Variants in NCALD observed in about 807,000 individuals in gnomAD.
NCALD encodes neurocalcin-delta.
Under a neutral mutation model 18.6 loss-of-function variants are expected in NCALD, and 10 were observed. That is an observed-to-expected ratio of 0.54 (90% CI 0.33 to 0.91). The LOEUF (loss-of-function observed/expected upper bound fraction) is 0.91. Among genes scored for constraint, NCALD ranks in the 40% least tolerant of loss-of-function variants. NCALD has a pLI of 0.03. For missense variants in NCALD, 184 were observed against 247.6 expected (o/e 0.74, Z 1.72); for synonymous variants, 88 against 87.4 (o/e 1.01, Z -0.04).
At chr8:101,805,969 T>C (rs1813085960) in intron 4 of NCALD, among the ~76,000 whole-genome samples, 1 of 152,154 alleles carries the variant, frequency 6.6e-6, no homozygotes, top group Non-Finnish European at 1.5e-5. Flanking sequence ...AAAAAATTAG[T>C]GGAGCCTAAC....
chr8:101,966,620 C>T (rs998479578), intron 2 of NCALD, among the ~76,000 whole-genome samples: 3 of 151,692 alleles, frequency 2.0e-5, no homozygotes, highest in Admixed American at 2.0e-4. Context: ...TACCCTAAAA[C>T]TTAAAGTATA....
At chr8:101,701,320 G>A (rs77995623) in intron 2 of NCALD, among the ~76,000 whole-genome samples, 5,051 of 152,252 alleles carry the variant, frequency 0.033, 103 homozygotes, top group Middle Eastern at 0.13. Flanking sequence ...GGATTAAACC[G>A]TGAAGAGACC....
In NCALD at chr8:101,689,321, G is replaced by C; in HGVS notation, c.570C>G (p.Ala190=). Residue 190 remains alanine, a synonymous_variant, in exon 4 of 4, where the codon GCC becomes GCG. Transcript: ENST00000220931. The surrounding 1 kb of genome is among the most constrained non-coding windows in gnomAD (Gnocchi z 4.4). The part of the protein sequence containing the change: ...VRLLQCDPSS[A]GQF The stretch of plus-strand genomic sequence containing the variant: ...GTGGGCGCAGGGCTCAGAACTGGCC[G>C]GCACTGCTCGGGTCGCACTGCAGGA... 6.2e-7 allele frequency: 1 copy of C among 1,613,764 alleles called. No homozygotes were observed. Among genetic ancestry groups the C allele is most frequent in the South Asian group, 1.1e-5 (1 of 90,940 alleles).
intron 4 of NCALD, among the ~76,000 whole-genome samples, chr8:101,848,526 GA>G (rs1814962293): frequency 6.6e-6 from 1 of 152,062 alleles, no homozygotes; most frequent in South Asian, 2.1e-4. Context: ...TAATTTTAGG[GA>G]AATTATATTT....
At chr8:102,035,510 TACTATGTAGCC>T in intron 1 of NCALD, among the ~76,000 whole-genome samples, 1 of 152,324 alleles carries the variant, frequency 6.6e-6, no homozygotes, top group East Asian at 1.9e-4. Flanking sequence ...AGCAACAGTG[TACTATGTAGCC>T]AGAGGTCTCC....
At chr8:101,764,618 A>C (rs1009991202) in intron 1 of NCALD, among the ~76,000 whole-genome samples, 4 of 152,198 alleles carry the variant, frequency 2.6e-5, no homozygotes, top group Non-Finnish European at 5.9e-5. Context: ...AGTTGTTGGC[A>C]GGGAAAAAGA....
chr8:101,749,528 A>C (rs1251757159), intron 1 of NCALD, among the ~76,000 whole-genome samples: 1 of 152,220 alleles, frequency 6.6e-6, no homozygotes, highest in Non-Finnish European at 1.5e-5. Context: ...AGTATATGAC[A>C]GGCTAGCTAT....
At chr8:102,046,166 G>A (rs917457495) in intron 1 of NCALD, among the ~76,000 whole-genome samples, 3 of 152,112 alleles carry the variant, frequency 2.0e-5, no homozygotes, top group East Asian at 1.9e-4. Context: ...TATAAACTCC[G>A]CTTCACCAGT....
chr8:101,761,853 C>T (rs1027355187), intron 1 of NCALD, among the ~76,000 whole-genome samples: 5 of 152,196 alleles, frequency 3.3e-5, no homozygotes, highest in Non-Finnish European at 7.3e-5. Flanking sequence ...CTGGGTCATA[C>T]CTTAAAAAGA....
At chr8:101,981,211 C>G (rs1222912648) in intron 2 of NCALD, among the ~76,000 whole-genome samples, 1 of 152,120 alleles carries the variant, frequency 6.6e-6, no homozygotes, top group African/African-American at 2.4e-5. Flanking sequence ...ACCAGGTTTC[C>G]TTAGTGCCTA....
chr8:101,868,391 C>A (rs975390935), intron 4 of NCALD, among the ~76,000 whole-genome samples: 1 of 152,076 alleles, frequency 6.6e-6, no homozygotes, highest in Non-Finnish European at 1.5e-5. Flanking sequence ...AGAATAGGGT[C>A]GGAAGGCAGG....
intron 3 of NCALD, among the ~76,000 whole-genome samples, chr8:101,906,529 C>T (rs773342737): frequency 6.6e-6 from 1 of 152,214 alleles, no homozygotes; most frequent in Non-Finnish European, 1.5e-5. Context: ...TAAAACTTTA[C>T]CTGCAAAGCA....
chr8:101,863,802 G>T (rs1815645699), intron 4 of NCALD, among the ~76,000 whole-genome samples: 1 of 152,182 alleles, frequency 6.6e-6, no homozygotes. Flanking sequence ...ATTTGACAAA[G>T]ATCTGGATGA....
chr8:101,693,585 C>G (rs1322219383), intron 2 of NCALD: 2 of 151,922 alleles, frequency 1.3e-5, no homozygotes, highest in Admixed American at 6.6e-5. Context: ...TTAATAAGCT[C>G]CGGTGTGATG....
intron 4 of NCALD, among the ~76,000 whole-genome samples, chr8:101,853,152 G>C (rs1815166207): frequency 6.6e-6 from 1 of 152,100 alleles, no homozygotes; most frequent in South Asian, 2.1e-4. Context: ...CTACCTCATA[G>C]GGTTTCATGA....
At chr8:101,893,113 G>A (rs896420044) in intron 3 of NCALD, among the ~76,000 whole-genome samples, 16 of 151,760 alleles carry the variant, frequency 1.1e-4, no homozygotes, top group Middle Eastern at 3.4e-3. Flanking sequence ...CAGCCAGAGA[G>A]AAAGGTCAGG....
At chr8:101,976,405 C>T (rs1004281809) in intron 2 of NCALD, among the ~76,000 whole-genome samples, 1 of 152,172 alleles carries the variant, frequency 6.6e-6, no homozygotes, top group African/African-American at 2.4e-5. Flanking sequence ...CCTGTGCTAA[C>T]TTCAATTTAG....
chr8:102,048,973 G>A (rs1364096646), intron 1 of NCALD, among the ~76,000 whole-genome samples: 2 of 152,146 alleles, frequency 1.3e-5, no homozygotes, highest in African/African-American at 4.8e-5. Flanking sequence ...CAGCCTTAAT[G>A]CTCCTCCAAT....
chr8:101,877,334 T>TTC (rs1326701890), intron 4 of NCALD, among the ~76,000 whole-genome samples: 9 of 152,194 alleles, frequency 5.9e-5, no homozygotes, highest in African/African-American at 2.2e-4. Flanking sequence ...AACTAATGAC[T>TTC]TCTTGTACCT....
Sources: allele counts gnomAD v4.1 joint callset (sites outside exome capture counted in the v4.1 genomes callset), GRCh38; gene constraint gnomAD v4.1.1; non-coding constraint Gnocchi (gnomAD v3.1); transcripts MANE v1.5; gene names NCBI Gene and HGNC (gene_info 2026-07-23, HGNC 2026-07-21).